The following RNF182 variants were observed in gnomAD, a reference collection of about 807,000 sequenced individuals.
RNF182 encodes the protein E3 ubiquitin-protein ligase RNF182.
Under a neutral mutation model 14.4 loss-of-function variants are expected in RNF182, and 15 were observed. The ratio of observed to expected loss-of-function variants is 1.04; its 90% CI spans 0.70 to 1.60. The LOEUF (loss-of-function observed/expected upper bound fraction) is 1.60, where lower values mean the gene tolerates loss of function less well. Among genes scored for constraint, RNF182 ranks in the 40% most tolerant of loss-of-function variants. RNF182 has a pLI of 0.00. For missense variants in RNF182, 268 were observed against 294.8 expected (o/e 0.91, Z 0.67); for synonymous variants, 128 against 122.9 (o/e 1.04, Z -0.27).
At chr6:13,935,313 T>TC (rs1283980170) in intron 1 of RNF182, among the ~76,000 whole-genome samples, 1 of 152,102 alleles carries the variant, frequency 6.6e-6, no homozygotes, top group Non-Finnish European at 1.5e-5. Flanking sequence ...TCTTTTTTTT[T>TC]TCTTTTTGCC....
rs111868838 is a variant in RNF182 at position 13,957,808 on chromosome 6, A to G, written c.-366-16402A>G. ...GTAAAGAAACATTTGTGGAAAATTTAAAAGCCTTAAGGACAAAGTATACTT... is the reference window on the plus strand; with the variant it reads ...GTAAAGAAACATTTGTGGAAAATTTGAAAGCCTTAAGGACAAAGTATACTT... On this transcript the variant is annotated intron_variant, in intron 1 of 2. Coordinates refer to ENST00000488300, the MANE Select transcript of RNF182 (RefSeq NM_152737.4). 6.2e-4 allele frequency among the ~76,000 whole-genome samples: 95 copies of G among 152,342 alleles called. 1 individual carries two copies. The Middle Eastern group carries it at 0.01, about 16-fold the overall frequency.
At chr6:13,944,856 C>CT (rs1378568793) in intron 1 of RNF182, among the ~76,000 whole-genome samples, 4 of 152,148 alleles carry the variant, frequency 2.6e-5, no homozygotes, top group Non-Finnish European at 5.9e-5. Flanking sequence ...TCAAATGACT[C>CT]TGATCATCAG....
intron 1 of RNF182, among the ~76,000 whole-genome samples, chr6:13,929,325 T>G (rs1585027903): frequency 6.6e-6 from 1 of 152,214 alleles, no homozygotes. Flanking sequence ...TCTTCCCTCT[T>G]CTATAGCTAT....
intron 1 of RNF182, among the ~76,000 whole-genome samples, chr6:13,971,546 G>C (rs1760184141): frequency 6.6e-6 from 1 of 152,188 alleles, no homozygotes; most frequent in South Asian, 2.1e-4. Context: ...AGCAACTTTG[G>C]AACTGGGTAA....
At chr6:13,925,150 G>A (rs1162402685) in intron 1 of RNF182, 127 bp downstream of exon 1, 1 of 136,358 alleles carries the variant, frequency 7.3e-6, no homozygotes, top group Non-Finnish European at 1.6e-5. Flanking sequence ...AGGAGAGGGG[G>A]CGGCAAACTT....
At chr6:13,959,834 G>A (rs562456341) in intron 1 of RNF182, among the ~76,000 whole-genome samples, 1 of 152,248 alleles carries the variant, frequency 6.6e-6, no homozygotes, top group African/African-American at 2.4e-5. Context: ...TAATACAAAT[G>A]GAGGTACTGT....
In RNF182 at chr6:13,978,082, T is replaced by C. The variant is rs1166854228; in HGVS notation, c.*219T>C. Reference sequence around the variant, plus strand: ...CAAAATTGTATAAGCTCACACTTCATGGAGCACTGACAGCAGTGAGTCTTC... The same window carrying C: ...CAAAATTGTATAAGCTCACACTTCACGGAGCACTGACAGCAGTGAGTCTTC... On this transcript the variant is annotated 3_prime_UTR_variant, in exon 3 of 3. Transcript: ENST00000488300. The C allele has an allele frequency of 2.8e-5, 14 of 507,932 alleles. No homozygotes were observed. Among genetic ancestry groups the C allele is most frequent in the South Asian group, 9.0e-5 (3 of 33,404 alleles). The allele number at this position is 507,932 out of a possible 1,614,324, so 31.5% of individuals were successfully genotyped here.
chr6:13,945,683 T>A (rs1759421645), intron 1 of RNF182, among the ~76,000 whole-genome samples: 1 of 152,266 alleles, frequency 6.6e-6, no homozygotes, highest in African/African-American at 2.4e-5. Context: ...TAGTTTATGC[T>A]ATTTTTTGTG....
chr6:13,934,069 A>G (rs1759044807), intron 1 of RNF182, among the ~76,000 whole-genome samples: 1 of 152,164 alleles, frequency 6.6e-6, no homozygotes. Context: ...CCAAAAAAGT[A>G]ATGTTGTATT....
chr6:13,958,936 G>A (rs1759796937), intron 1 of RNF182, among the ~76,000 whole-genome samples: 1 of 152,088 alleles, frequency 6.6e-6, no homozygotes. Context: ...ATTCTTGTTA[G>A]TTCCCTTGAG....
At chr6:13,959,642 A>G (rs924314581) in intron 1 of RNF182, among the ~76,000 whole-genome samples, 1 of 152,244 alleles carries the variant, frequency 6.6e-6, no homozygotes, top group Non-Finnish European at 1.5e-5. Context: ...TGGCTTGCCA[A>G]TGGATTGGAC....
At chr6:13,938,231 A>T (rs1759191847) in intron 1 of RNF182, among the ~76,000 whole-genome samples, 1 of 131,290 alleles carries the variant, frequency 7.6e-6, no homozygotes, top group African/African-American at 3.0e-5. Context: ...GATAGCCAGG[A>T]TGGTCTCAAT....
At chr6:13,972,515 C>A (rs1397142120) in intron 1 of RNF182, among the ~76,000 whole-genome samples, 1 of 152,108 alleles carries the variant, frequency 6.6e-6, no homozygotes, top group Non-Finnish European at 1.5e-5. Context: ...CCATCACAGA[C>A]CCAGAGGGCT....
chr6:13,945,288 C>T (rs1225633995), intron 1 of RNF182, among the ~76,000 whole-genome samples: 1 of 152,152 alleles, frequency 6.6e-6, no homozygotes, highest in African/African-American at 2.4e-5. Context: ...TATTGTGGCC[C>T]ACTTTAGGGA....
chr6:13,951,128 C>T (rs893136883), intron 1 of RNF182, among the ~76,000 whole-genome samples: 3 of 152,130 alleles, frequency 2.0e-5, no homozygotes, highest in Non-Finnish European at 4.4e-5. Flanking sequence ...TTAACCAGAG[C>T]TCTTTCATAT....
At chr6:13,953,821 A>G (rs577138695) in intron 1 of RNF182, among the ~76,000 whole-genome samples, 2 of 152,214 alleles carry the variant, frequency 1.3e-5, no homozygotes, top group Non-Finnish European at 2.9e-5. Flanking sequence ...CTCCCCCTCT[A>G]GACTGTATAT....
chr6:13,931,676 G>A (rs954035208), intron 1 of RNF182, among the ~76,000 whole-genome samples: 2 of 151,322 alleles, frequency 1.3e-5, no homozygotes, highest in African/African-American at 4.9e-5. Flanking sequence ...TTCAAGGCCA[G>A]TATGAGAAGC....
intron 1 of RNF182, among the ~76,000 whole-genome samples, chr6:13,947,784 C>G (rs1023238550): frequency 1.3e-5 from 2 of 152,088 alleles, no homozygotes; most frequent in African/African-American, 4.8e-5. Context: ...TTCCTTAAAC[C>G]AGTTTGTTTA....
intron 2 of RNF182, among the ~76,000 whole-genome samples, chr6:13,975,376 T>C (rs1426460940): frequency 4.6e-5 from 7 of 152,158 alleles, no homozygotes; most frequent in African/African-American, 1.7e-4. Context: ...GAAGAGTTGA[T>C]GTTTCTGTCT....
Sources: allele counts gnomAD v4.1 joint callset (sites outside exome capture counted in the v4.1 genomes callset), GRCh38; gene constraint gnomAD v4.1.1; transcripts MANE v1.5; gene names NCBI Gene and HGNC (gene_info 2026-07-23, HGNC 2026-07-21).